NEGR1: variants seen among roughly 807,000 people sequenced by gnomAD.
NEGR1 encodes the protein IgLON family member 4.
In NEGR1, 10 loss-of-function variants were observed where a neutral mutation model predicts 40.9. That is an observed-to-expected ratio of 0.24 (90% CI 0.15 to 0.42). The LOEUF is 0.42. Among genes scored for constraint, NEGR1 ranks in the 10% least tolerant of loss-of-function variants. NEGR1 has a pLI of 1.00. For synonymous variants in NEGR1, 185 were observed against 166.8 expected (o/e 1.11, Z -0.84); for missense variants, 352 against 438.9 (o/e 0.80, Z 1.77).
intron 3 of NEGR1, chr1:71,738,092 A>AG (rs1170293189): frequency 6.5e-6 from 1 of 152,746 alleles, no homozygotes; most frequent in Admixed American, 6.5e-5. Flanking sequence ...TTGCCCCTGA[A>AG]ATGAACCTCT....
At chr1:71,916,332 AATC>A (rs1436525897) in intron 2 of NEGR1, among the ~76,000 whole-genome samples, 1 of 152,214 alleles carries the variant, frequency 6.6e-6, no homozygotes, top group Non-Finnish European at 1.5e-5. Context: ...CTCCCTTACT[AATC>A]ATCAGGATAG....
chr1:71,584,371 C>CA (rs945770206), intron 6 of NEGR1, among the ~76,000 whole-genome samples: 6 of 151,626 alleles, frequency 4.0e-5, no homozygotes, highest in African/African-American at 1.5e-4. Context: ...TCAGAATGGC[C>CA]AAAAAAAGAG....
chr1:72,005,820 A>C (rs1227889962), intron 1 of NEGR1, among the ~76,000 whole-genome samples: 1 of 152,158 alleles, frequency 6.6e-6, no homozygotes, highest in Non-Finnish European at 1.5e-5. Context: ...CAATTTTGGA[A>C]ATCAACTACA....
intron 6 of NEGR1, among the ~76,000 whole-genome samples, chr1:71,438,136 T>C (rs766725960): frequency 8.5e-5 from 13 of 152,202 alleles, no homozygotes; most frequent in South Asian, 2.1e-4. Flanking sequence ...GTAAACTGTT[T>C]GGATGGCTTT....
At chr1:72,236,451 A>T (rs946842228) in intron 1 of NEGR1, among the ~76,000 whole-genome samples, 1 of 151,962 alleles carries the variant, frequency 6.6e-6, no homozygotes, top group Non-Finnish European at 1.5e-5. Context: ...AGAAGAAGAA[A>T]AAAATGCAAA....
chr1:71,417,324 A>G (rs746379655), intron 6 of NEGR1, among the ~76,000 whole-genome samples: 24 of 152,078 alleles, frequency 1.6e-4, no homozygotes, highest in Admixed American at 2.6e-4. Flanking sequence ...GTATAGATAC[A>G]TTGTTTAAAT....
intron 6 of NEGR1, chr1:71,484,969 T>C (rs1646877201): frequency 6.6e-6 from 1 of 151,754 alleles, no homozygotes; most frequent in Admixed American, 6.6e-5. Flanking sequence ...GAATAGAATA[T>C]AATAAACCTC....
At chr1:72,134,213 C>CTT (rs538728682) in intron 1 of NEGR1, among the ~76,000 whole-genome samples, 5 of 136,090 alleles carry the variant, frequency 3.7e-5, no homozygotes, top group Non-Finnish European at 6.4e-5. Flanking sequence ...TTTTTTTTTT[C>CTT]TTTTTTTTTT....
At chr1:71,655,266 C>A (rs1411700567) in intron 4 of NEGR1, among the ~76,000 whole-genome samples, 1 of 152,038 alleles carries the variant, frequency 6.6e-6, no homozygotes, top group Non-Finnish European at 1.5e-5. Context: ...AGAGCTATCT[C>A]AAGCAAGAAA....
chr1:71,636,430 T>C (rs925250621), intron 4 of NEGR1, among the ~76,000 whole-genome samples: 5 of 152,084 alleles, frequency 3.3e-5, no homozygotes, highest in African/African-American at 1.2e-4. Flanking sequence ...AGGCCACAGA[T>C]AATTAAAGGT....
intron 1 of NEGR1, among the ~76,000 whole-genome samples, chr1:72,194,360 AT>A (rs1288819637): frequency 4.6e-5 from 7 of 151,958 alleles, no homozygotes; most frequent in Non-Finnish European, 1.5e-5. Context: ...ATGGTGTATT[AT>A]ATAAATATTT....
intron 6 of NEGR1, among the ~76,000 whole-genome samples, chr1:71,531,291 GATA>G (rs1647349205): frequency 6.6e-6 from 1 of 151,338 alleles, no homozygotes; most frequent in African/African-American, 2.4e-5. Context: ...TGTTTGAGTA[GATA>G]AGAAAGGTAC....
chr1:71,753,600 T>G (rs1365486733), intron 3 of NEGR1, among the ~76,000 whole-genome samples: 1 of 152,204 alleles, frequency 6.6e-6, no homozygotes, highest in Non-Finnish European at 1.5e-5. Flanking sequence ...ATACCAAGAC[T>G]GTCTTCTGCC....
rs1398288790 is a variant in NEGR1 at position 71,888,449 on chromosome 1, G to C, written c.409+46630C>G. Among the ~76,000 whole-genome samples, 5 of 152,058 alleles carry C rather than the reference G, an allele frequency of 3.3e-5. No individual in the cohort carries two copies. In the East Asian group the frequency reaches 9.9e-4, roughly 30 times the overall value. On this transcript the variant is annotated intron_variant, in intron 2 of 6. Transcript: ENST00000357731. ...AGTTCCCTTTCCGAGTCAAAGAAAGGGGTGACGGACGCACCTGGAAAATCG... is the reference window on the plus strand; with the variant it reads ...AGTTCCCTTTCCGAGTCAAAGAAAGCGGTGACGGACGCACCTGGAAAATCG...
chr1:71,715,591 T>C, intron 3 of NEGR1, among the ~76,000 whole-genome samples: 1 of 152,184 alleles, frequency 6.6e-6, no homozygotes, highest in South Asian at 2.1e-4. Context: ...ACTTTGCTGC[T>C]AGAAACTTCT....
intron 1 of NEGR1, among the ~76,000 whole-genome samples, chr1:72,195,455 T>C (rs1156613832): frequency 6.6e-6 from 1 of 152,046 alleles, no homozygotes; most frequent in Non-Finnish European, 1.5e-5. Context: ...TTCCGAAATG[T>C]AATAATTCAG....
At chr1:71,685,473 C>T (rs11209822) in intron 4 of NEGR1, among the ~76,000 whole-genome samples, 6,643 of 152,154 alleles carry the variant, frequency 0.044, 204 homozygotes, top group East Asian at 0.13. Flanking sequence ...CAGGCATGCA[C>T]CACCACACCT....
chr1:71,932,691 A>G (rs1262899532), intron 2 of NEGR1, among the ~76,000 whole-genome samples: 5 of 152,092 alleles, frequency 3.3e-5, no homozygotes, highest in Admixed American at 6.6e-5. Flanking sequence ...AGTGATTAAT[A>G]CAGTCTTCCC....
intron 1 of NEGR1, among the ~76,000 whole-genome samples, chr1:72,041,236 C>T (rs1458058720): frequency 6.6e-6 from 1 of 151,868 alleles, no homozygotes; most frequent in African/African-American, 2.4e-5. Context: ...AATCATTTGT[C>T]CTTTGTTTCC....
Sources: gnomAD v4.1 joint callset for allele counts (sites outside exome capture counted in the v4.1 genomes callset) on GRCh38, gnomAD v4.1.1 for gene constraint, MANE v1.5 for transcripts, NCBI Gene and HGNC (gene_info 2026-07-23, HGNC 2026-07-21) for gene names.